The following LRBA variants were observed in gnomAD, a reference collection of about 807,000 sequenced individuals.
The protein encoded by LRBA is LPS responsive beige-like anchor protein.
Under a neutral mutation model 330.0 loss-of-function variants are expected in LRBA, and 176 were observed. That is an observed-to-expected ratio of 0.53 (90% CI 0.47 to 0.60). The LOEUF is 0.60. LRBA is among the 20% of genes least tolerant of loss of function. LRBA has a pLI of 0.00. For missense variants in LRBA, 3,259 were observed against 3,444.8 expected, an observed-to-expected ratio of 0.95 and a Z score of 1.35; for synonymous variants, 1,230 against 1,193.0, an observed-to-expected ratio of 1.03 and a Z score of -0.64.
At chr4:150,489,583 A>AAT (rs1430397116) in intron 41 of LRBA, among the ~76,000 whole-genome samples, 9 of 70,030 alleles carry the variant, frequency 1.3e-4, no homozygotes, top group African/African-American at 2.2e-4. Context: ...AAGAATATAT[A>AAT]ATATATTATA....
At chr4:150,330,028 C>T (rs530731637) in intron 48 of LRBA, among the ~76,000 whole-genome samples, 2 of 152,246 alleles carry the variant, frequency 1.3e-5, no homozygotes, top group South Asian at 4.1e-4. Context: ...CCCAAACTCG[C>T]CTTTATGCAA....
chr4:150,906,183 T>C, intron 12 of LRBA, 114 bp downstream of exon 12: 2 of 832,316 alleles, frequency 2.4e-6, no homozygotes, highest in Non-Finnish European at 3.9e-6. Flanking sequence ...TTAGTTTAGG[T>C]AATTTTCTGT....
At chr4:150,349,179 T>C (rs1736806216) in intron 48 of LRBA, among the ~76,000 whole-genome samples, 1 of 152,198 alleles carries the variant, frequency 6.6e-6, no homozygotes. Context: ...GATCAGATCT[T>C]AGTAGAACTA....
intron 2 of LRBA, among the ~76,000 whole-genome samples, chr4:150,944,707 G>A (rs1043079251): frequency 3.3e-5 from 5 of 152,090 alleles, no homozygotes; most frequent in South Asian, 4.1e-4. Context: ...AAAAAAATTC[G>A]AGTGGCTAAC....
intron 47 of LRBA, among the ~76,000 whole-genome samples, chr4:150,385,105 C>CA (rs1354951296): frequency 1.3e-5 from 2 of 152,038 alleles, no homozygotes; most frequent in African/African-American, 4.8e-5. Flanking sequence ...AAAAATAACT[C>CA]AAACTGTGTA....
rs1210108292 is a variant in LRBA at position 150,870,625 on chromosome 4, G to A, written c.2368-19C>T. On this transcript the variant is annotated intron_variant, in intron 19 of 56. Transcript: ENST00000651943. The stretch of plus-strand genomic sequence containing the variant: ...TAAGAATCTACAGAAGTAAAACAAT[G>A]GATTACATTAGCAAATCACTGGATT... 2 of 1,158,382 alleles carry A rather than the reference G, an allele frequency of 1.7e-6. No individual in the cohort carries two copies. Among genetic ancestry groups the A allele is most frequent in the Admixed American group, 3.5e-5 (2 of 57,324 alleles). The allele number at this position is 1,158,382 out of a possible 1,614,324, so 71.8% of individuals were successfully genotyped here. A position where few individuals can be genotyped will look rare whatever the true frequency, so the allele number is the denominator to read the frequency against.
chr4:150,361,075 G>T (rs371760655), intron 47 of LRBA, among the ~76,000 whole-genome samples: 1 of 152,228 alleles, frequency 6.6e-6, no homozygotes, highest in East Asian at 1.9e-4. Context: ...CATAATCTTT[G>T]CTGAAAGTCA....
At position 150,828,338 on chromosome 4, in the gene LRBA, T is replaced by G; in HGVS notation, c.5013A>C (p.Ser1671=). The G allele has an allele frequency of 1.9e-6, 3 of 1,614,180 alleles. No homozygotes were observed. The South Asian group carries it at 3.3e-5, about 18-fold the overall frequency. The change falls in exon 30 of 57, where the codon TCA becomes TCC. Residue 1671 remains serine (S), a synonymous_variant. Transcript: ENST00000651943. ...DLDTKATPSV[S]VSKNVNVKDI... is the part of the protein sequence containing the mutation. The stretch of plus-strand genomic sequence containing the variant: ...CTTTCACATTGACGTTTTTTGAAAC[T>G]GAAACTGACGGTGTAGCCTTAGTGT...
chr4:150,462,186 G>T (rs1293193716), intron 44 of LRBA, among the ~76,000 whole-genome samples: 1 of 151,722 alleles, frequency 6.6e-6, no homozygotes, highest in East Asian at 1.9e-4. Flanking sequence ...TTCTATGCAT[G>T]GTTAGATCTG....
At chr4:150,983,002 C>G (rs1741026321) in intron 2 of LRBA, among the ~76,000 whole-genome samples, 1 of 152,048 alleles carries the variant, frequency 6.6e-6, no homozygotes, top group Non-Finnish European at 1.5e-5. Context: ...ATCACCTGAG[C>G]CCAGGAGGTC....
At chr4:150,502,166 C>T (rs2010260900) in intron 40 of LRBA, among the ~76,000 whole-genome samples, 1 of 152,104 alleles carries the variant, frequency 6.6e-6, no homozygotes, top group Non-Finnish European at 1.5e-5. Context: ...AAGAATCATC[C>T]TAAGAAATTA....
At chr4:150,323,549 G>A (rs934296595) in intron 49 of LRBA, among the ~76,000 whole-genome samples, 2 of 152,264 alleles carry the variant, frequency 1.3e-5, no homozygotes, top group African/African-American at 4.8e-5. Flanking sequence ...TAAGCCACAC[G>A]GCAAGGACCA....
rs143206960 is a variant in LRBA at position 150,893,608 on chromosome 4, C to T, written c.2068-459G>A. Among the ~76,000 whole-genome samples, 205 of 152,250 alleles carry T rather than the reference C, an allele frequency of 1.3e-3. 2 individuals carry two copies. The highest frequency in any genetic ancestry group is 8.8e-3 in the Admixed American group (135 of 15,286). ...TAAGTGATCTGCCTACCTCAGCCTC[C>T]CAAAGTGCTGGGATTACAAGTTGAG... On this transcript the variant is annotated intron_variant, in intron 16 of 56. Coordinates refer to ENST00000651943, the MANE Select transcript of LRBA (RefSeq NM_001364905.1).
intron 37 of LRBA, among the ~76,000 whole-genome samples, chr4:150,616,244 A>G (rs1286753029): frequency 6.6e-6 from 1 of 152,202 alleles, no homozygotes; most frequent in Non-Finnish European, 1.5e-5. Context: ...GGACTGGCTC[A>G]GACTTTCAAG....
At chr4:150,522,183 C>A (rs935281195) in intron 40 of LRBA, among the ~76,000 whole-genome samples, 1 of 152,122 alleles carries the variant, frequency 6.6e-6, no homozygotes, top group Non-Finnish European at 1.5e-5. Context: ...AAGAAACAGG[C>A]TTCCACCAGA....
intron 46 of LRBA, among the ~76,000 whole-genome samples, chr4:150,431,567 A>G (rs1414914207): frequency 1.3e-5 from 2 of 152,234 alleles, no homozygotes; most frequent in African/African-American, 4.8e-5. Flanking sequence ...AGTATCAAAA[A>G]ATGTAAAATA....
chr4:150,373,283 A>G (rs940261482), intron 47 of LRBA, among the ~76,000 whole-genome samples: 1 of 151,784 alleles, frequency 6.6e-6, no homozygotes, highest in Non-Finnish European at 1.5e-5. Context: ...AGAAATGTTT[A>G]TTGTTGTTCT....
intron 36 of LRBA, among the ~76,000 whole-genome samples, chr4:150,691,006 T>C (rs1038760928): frequency 2.0e-5 from 3 of 149,100 alleles, no homozygotes; most frequent in African/African-American, 7.3e-5. Context: ...CTCAGCTCAC[T>C]GTAAGCTCCG....
intron 41 of LRBA, 52 bp downstream of exon 41, chr4:150,490,866 C>A: frequency 9.6e-7 from 1 of 1,044,914 alleles, no homozygotes; most frequent in Non-Finnish European, 1.4e-6. Context: ...AAAATGAAAT[C>A]TTAAAGAGAT....
Sources: allele counts gnomAD v4.1 joint callset (sites outside exome capture counted in the v4.1 genomes callset), GRCh38; gene constraint gnomAD v4.1.1; transcripts MANE v1.5; gene names NCBI Gene and HGNC (gene_info 2026-07-23, HGNC 2026-07-21).